Variants in TASP1 observed in about 807,000 individuals in gnomAD.
TASP1 encodes taspase 1, also known as threonine aspartase 1.
Under a neutral mutation model 56.6 loss-of-function variants are expected in TASP1, and 16 were observed. The observed-to-expected ratio is 0.28, with a 90% CI of 0.19 to 0.43. TASP1 has a LOEUF of 0.43. TASP1 is among the 20% of genes least tolerant of loss of function. TASP1 has a pLI of 1.00. For synonymous variants in TASP1, 179 were observed against 184.2 expected, an observed-to-expected ratio of 0.97 and a Z score of 0.23; for missense variants, 393 against 511.6, an observed-to-expected ratio of 0.77 and a Z score of 2.24.
At position 13,390,263 on chromosome 20, in the gene TASP1, TA is replaced by T; in HGVS notation, c.*96del. On this transcript the variant is annotated 3_prime_UTR_variant, in exon 14 of 14. Transcript: ENST00000337743. ...GTGCACGAGGTTGCAATAGGAATTA[TA>T]AAACAAGAAAGATAAAACAACCAAC... is the stretch of plus-strand genomic sequence containing the variant. 1.8e-6 allele frequency: 2 copies of T among 1,137,080 alleles called. No homozygotes were observed. Among genetic ancestry groups the T allele is most frequent in the Non-Finnish European group, 2.6e-6 (2 of 781,776 alleles). The allele number at this position is 1,137,080 out of a possible 1,614,324, so 70.4% of individuals were successfully genotyped here.
intron 10 of TASP1, among the ~76,000 whole-genome samples, chr20:13,523,538 T>C (rs1157220316): frequency 1.3e-5 from 2 of 152,146 alleles, no homozygotes; most frequent in Non-Finnish European, 2.9e-5. Flanking sequence ...GGTTGTTAAG[T>C]TGAGAAATCA....
the TASP1 span, among the ~76,000 whole-genome samples, chr20:13,234,159 T>G: frequency 3.3e-5 from 5 of 152,258 alleles, no homozygotes; most frequent in Admixed American, 6.5e-5. Context: ...TGATTACTCT[T>G]TGTATGTCCG....
chr20:13,558,964 T>G (rs562871520), intron 8 of TASP1, 44 bp downstream of exon 8: 1 of 1,236,934 alleles, frequency 8.1e-7, no homozygotes, highest in African/African-American at 1.5e-5. Context: ...GCAGAAGATA[T>G]ATCATCTGAT....
At chr20:13,119,439 G>A in the TASP1 span, among the ~76,000 whole-genome samples, 1 of 152,132 alleles carries the variant, frequency 6.6e-6, no homozygotes, top group African/African-American at 2.4e-5. Flanking sequence ...TTAAGATGTA[G>A]GCGTTCTTGT....
intron 12 of TASP1, among the ~76,000 whole-genome samples, chr20:13,429,343 T>C (rs764037061): frequency 2.9e-4 from 44 of 152,172 alleles, no homozygotes; most frequent in African/African-American, 4.8e-4. Context: ...ATGCAAGTTA[T>C]TGCGGGAAAA....
the TASP1 span, among the ~76,000 whole-genome samples, chr20:13,175,028 T>C: frequency 6.6e-6 from 1 of 152,180 alleles, no homozygotes; most frequent in African/African-American, 2.4e-5. Context: ...CTTCATTCGC[T>C]TTCTGCCATG....
At chr20:13,411,347 T>C (rs926471433) in intron 13 of TASP1, among the ~76,000 whole-genome samples, 4 of 152,178 alleles carry the variant, frequency 2.6e-5, no homozygotes, top group African/African-American at 9.7e-5. Flanking sequence ...TTTCTATTAC[T>C]GTGGAAAATA....
At chr20:13,229,791 A>G in the TASP1 span, among the ~76,000 whole-genome samples, 3 of 152,144 alleles carry the variant, frequency 2.0e-5, no homozygotes, top group South Asian at 6.2e-4. Flanking sequence ...GTAGTGCTTC[A>G]CTTTCAATTG....
chr20:13,114,092 A>C, the TASP1 span, among the ~76,000 whole-genome samples: 7 of 152,220 alleles, frequency 4.6e-5, no homozygotes, highest in Non-Finnish European at 1.0e-4. Context: ...TGTAAATAGA[A>C]GAGTCAGCCC....
chr20:13,123,278 C>G, the TASP1 span, among the ~76,000 whole-genome samples: 1 of 151,670 alleles, frequency 6.6e-6, no homozygotes, highest in East Asian at 1.9e-4. Context: ...TTGCAGTGAG[C>G]CAAGGTCATG....
the TASP1 span, among the ~76,000 whole-genome samples, chr20:13,233,420 A>AC: frequency 2.6e-5 from 4 of 151,682 alleles, no homozygotes; most frequent in Admixed American, 1.3e-4. Context: ...ACATGGAGAA[A>AC]CCCCATCTCT....
chr20:13,533,524 G>T (rs973288099), intron 9 of TASP1, among the ~76,000 whole-genome samples: 1 of 152,142 alleles, frequency 6.6e-6, no homozygotes, highest in Middle Eastern at 3.2e-3. Flanking sequence ...TCATGTGTTG[G>T]TGACCTGAAA....
At chr20:13,560,175 A>C (rs1353373692) in intron 7 of TASP1, among the ~76,000 whole-genome samples, 1 of 152,214 alleles carries the variant, frequency 6.6e-6, no homozygotes, top group African/African-American at 2.4e-5. Flanking sequence ...ACTGGAACAT[A>C]ACACTGACAA....
the TASP1 span, among the ~76,000 whole-genome samples, chr20:13,287,375 C>T: frequency 6.6e-5 from 10 of 152,192 alleles, no homozygotes; most frequent in East Asian, 1.7e-3. Context: ...GGGAAACTGC[C>T]CCCATGATTC....
the TASP1 span, among the ~76,000 whole-genome samples, chr20:13,333,319 AG>A: frequency 6.6e-6 from 1 of 152,214 alleles, no homozygotes; most frequent in Non-Finnish European, 1.5e-5. Flanking sequence ...ACTACTTGAC[AG>A]GGGAGGAGAG....
the TASP1 span, among the ~76,000 whole-genome samples, chr20:13,280,188 C>T: frequency 1.3e-5 from 2 of 151,328 alleles, no homozygotes; most frequent in Non-Finnish European, 2.9e-5. Flanking sequence ...CCTCAAATTT[C>T]AGTTTTATTT....
At position 13,390,167 on chromosome 20, in the gene TASP1, C is replaced by G; in HGVS notation, c.*193G>C. The G allele has an allele frequency of 3.6e-6, 2 of 555,378 alleles. No homozygotes were observed. Among genetic ancestry groups the G allele is most frequent in the Non-Finnish European group, 6.5e-6 (2 of 306,602 alleles). 34.4% of individuals were successfully genotyped at this position (555,378 alleles called of 1,614,324 possible). On this transcript the variant is annotated 3_prime_UTR_variant, in exon 14 of 14. Transcript: ENST00000337743. ...GCACATACGCGCACACACTCACACA[C>G]AGTCCCGCTCACCCACCAAAGGCCC...
chr20:13,283,583 G>A, the TASP1 span, among the ~76,000 whole-genome samples: 1 of 152,236 alleles, frequency 6.6e-6, no homozygotes, highest in East Asian at 1.9e-4. Flanking sequence ...AAACACAGAT[G>A]AGATGATGCT....
At chr20:13,543,087 T>C (rs888888786) in intron 8 of TASP1, among the ~76,000 whole-genome samples, 2 of 152,148 alleles carry the variant, frequency 1.3e-5, no homozygotes, top group African/African-American at 4.8e-5. Context: ...TTTCTCTGTG[T>C]ATCACCTAAA....
Sources: gnomAD v4.1 joint callset for allele counts (sites outside exome capture counted in the v4.1 genomes callset) on GRCh38, gnomAD v4.1.1 for gene constraint, MANE v1.5 for transcripts, NCBI Gene and HGNC (gene_info 2026-07-23, HGNC 2026-07-21) for gene names.